Variants in PRLR observed in about 807,000 individuals in gnomAD.
The protein encoded by PRLR is prolactin receptor.
Under a neutral mutation model 40.2 loss-of-function variants are expected in PRLR, and 13 were observed. The ratio of observed to expected loss-of-function variants is 0.32; its 90% confidence interval spans 0.21 to 0.51. PRLR has a LOEUF of 0.51. PRLR is among the 20% of genes least tolerant of loss of function. The pLI is 0.97. For synonymous variants in PRLR, 269 were observed against 278.7 expected (o/e 0.97, Z 0.35); for missense variants, 656 against 747.3 (o/e 0.88, Z 1.42).
chr5:35,202,047 A>C (rs2111610351), intron 1 of PRLR, among the ~76,000 whole-genome samples: 1 of 152,332 alleles, frequency 6.6e-6, no homozygotes. Context: ...CTGGAGCCAA[A>C]TTGTCTGGGA....
intron 1 of PRLR, among the ~76,000 whole-genome samples, chr5:35,174,109 A>C (rs1775078048): frequency 6.8e-6 from 1 of 147,892 alleles, no homozygotes; most frequent in African/African-American, 2.5e-5. Flanking sequence ...TTTTGCTAAG[A>C]GACGGAGTCT....
chr5:35,064,891 A>G lies in PRLR; in HGVS notation c.*198T>C. 1 of 622,312 alleles carries G rather than the reference A, an allele frequency of 1.6e-6. No homozygotes were observed. Among genetic ancestry groups the G allele is most frequent in the South Asian group, 2.4e-5 (1 of 42,496 alleles). The allele number at this position is 622,312 out of a possible 1,614,324, so 38.5% of individuals were successfully genotyped here. ...AACTAACAGCAAAAAGTAAATCTAC[A>G]AATCACAGTTAGGAAACATAATGAT... On this transcript the variant is annotated 3_prime_UTR_variant, in exon 10 of 10. Transcript: ENST00000618457.
chr5:35,122,597 G>T (rs534557705), intron 1 of PRLR, among the ~76,000 whole-genome samples: 1 of 152,082 alleles, frequency 6.6e-6, no homozygotes, highest in Non-Finnish European at 1.5e-5. Context: ...CTGACGTTAG[G>T]CCAATGTTAG....
intron 5 of PRLR, among the ~76,000 whole-genome samples, chr5:35,083,524 CTTTT>C (rs59813376): frequency 1.5e-5 from 2 of 136,434 alleles, no homozygotes. Context: ...CTTTTCTTTT[CTTTT>C]TTTTTTTTTG....
chr5:35,206,978 G>T (rs1440030664), intron 1 of PRLR, among the ~76,000 whole-genome samples: 1 of 152,062 alleles, frequency 6.6e-6, no homozygotes, highest in Non-Finnish European at 1.5e-5. Flanking sequence ...CTTTGTTGCA[G>T]ATCTCATCTT....
intron 5 of PRLR, 67 bp downstream of exon 5, chr5:35,084,403 C>T: frequency 7.0e-7 from 1 of 1,419,194 alleles, no homozygotes; most frequent in Non-Finnish European, 9.3e-7. Context: ...AAGACTCAAA[C>T]TGAGTGTGAC....
At position 35,117,902 on chromosome 5, in the gene PRLR, A is replaced by G. The variant is rs187878605; in HGVS notation, c.-44+159T>C. On this transcript the variant is annotated intron_variant, in intron 2 of 9. Transcript: ENST00000618457. Reference sequence around the variant, plus strand: ...TGAGCTGGACAGGCTGGGGAGACTGAAACAGCCTTTGAAGACAGCAGAATG... The same window carrying G: ...TGAGCTGGACAGGCTGGGGAGACTGGAACAGCCTTTGAAGACAGCAGAATG... Among the ~76,000 whole-genome samples, 12 of 152,326 alleles carry G rather than the reference A, an allele frequency of 7.9e-5. No individual in the cohort carries two copies. In the East Asian group the frequency reaches 2.1e-3, roughly 27 times the overall value.
At chr5:35,179,934 T>A (rs1170061364) in intron 1 of PRLR, among the ~76,000 whole-genome samples, 1 of 152,208 alleles carries the variant, frequency 6.6e-6, no homozygotes, top group African/African-American at 2.4e-5. Flanking sequence ...TTTCTATTAT[T>A]ATTACCTTGT....
At chr5:35,166,947 G>A (rs1172069374) in intron 1 of PRLR, among the ~76,000 whole-genome samples, 1 of 152,072 alleles carries the variant, frequency 6.6e-6, no homozygotes, top group African/African-American at 2.4e-5. Flanking sequence ...AGAAATAGTG[G>A]TTTCTGTTTT....
intron 1 of PRLR, among the ~76,000 whole-genome samples, chr5:35,145,337 G>C (rs566876082): frequency 1.3e-5 from 2 of 152,298 alleles, no homozygotes; most frequent in Non-Finnish European, 2.9e-5. Flanking sequence ...TCCTCCATTA[G>C]ATGAATCATT....
intron 1 of PRLR, among the ~76,000 whole-genome samples, chr5:35,163,758 T>A (rs909084260): frequency 2.6e-5 from 4 of 152,238 alleles, no homozygotes; most frequent in African/African-American, 7.2e-5. Context: ...CTCAAGTGCC[T>A]ACATTTTCTA....
chr5:35,105,863 G>T (rs1219201074), intron 2 of PRLR, among the ~76,000 whole-genome samples: 1 of 152,130 alleles, frequency 6.6e-6, no homozygotes, highest in African/African-American at 2.4e-5. Context: ...TCAAATTCAG[G>T]AAATACAGAG....
At chr5:35,117,986 C>T in intron 2 of PRLR, 75 bp downstream of exon 2, 6 of 772,638 alleles carry the variant, frequency 7.8e-6, no homozygotes, top group Non-Finnish European at 9.4e-6. Context: ...ATAGTTGAGC[C>T]CCTGCCCTGG....
At chr5:35,158,422 T>C (rs2111894718) in intron 1 of PRLR, among the ~76,000 whole-genome samples, 1 of 152,312 alleles carries the variant, frequency 6.6e-6, no homozygotes, top group East Asian at 1.9e-4. Context: ...ATTTGCTTAC[T>C]GTTTATAAAA....
chr5:35,152,713 A>C (rs1245243360), intron 1 of PRLR: 1 of 152,232 alleles, frequency 6.6e-6, no homozygotes, highest in Non-Finnish European at 1.5e-5. Flanking sequence ...TAGAGCATGC[A>C]TATTTTTAGT....
rs10691744 is a variant in PRLR at position 35,087,422 on chromosome 5, T to TTGTGTGTGTGTGTGTG, written c.71-1098_71-1083dup. On this transcript the variant is annotated intron_variant, in intron 3 of 9. Transcript: ENST00000618457. ...TCTCTTAGATTTTCCTCTCTTTCCT[T>TTGTGTGTGTGTGTGTG]TGTGTGTGTGTGTGTGTGTGTGTGT... is the stretch of plus-strand genomic sequence containing the variant. Among the ~76,000 whole-genome samples, 85 of 140,926 alleles carry TTGTGTGTGTGTGTGTG rather than the reference T, an allele frequency of 6.0e-4. 1 individual carries two copies. Among genetic ancestry groups the TTGTGTGTGTGTGTGTG allele is most frequent in the East Asian group, 1.9e-3 (9 of 4,834 alleles). 92.5% of individuals were successfully genotyped at this position (140,926 alleles called of 152,430 possible).
At chr5:35,080,117 A>G (rs1016166742) in intron 5 of PRLR, among the ~76,000 whole-genome samples, 7 of 152,230 alleles carry the variant, frequency 4.6e-5, no homozygotes, top group African/African-American at 9.6e-5. Context: ...ACCATTCAGG[A>G]CATAGGCATG....
intron 1 of PRLR, among the ~76,000 whole-genome samples, chr5:35,173,796 G>C (rs113046304): frequency 2.0e-5 from 3 of 152,064 alleles, no homozygotes; most frequent in African/African-American, 7.2e-5. Flanking sequence ...TTCCTTTAAA[G>C]GGTAGTTTTT....
chr5:35,065,182 C>T lies in PRLR; in HGVS notation c.1776G>A (p.Leu592=), dbSNP rs760200872. 19 of 1,614,050 alleles carry T rather than the reference C, an allele frequency of 1.2e-5. No homozygotes were observed. The East Asian group carries it at 4.2e-4, about 36-fold the overall frequency. The change falls in exon 10 of 10, where the codon CTG becomes CTA. Residue 592 remains leucine (L), a synonymous_variant. Coordinates refer to ENST00000618457, the MANE Select transcript of PRLR (RefSeq NM_000949.7). ...TGCTTGATGTTGCAGTGAAGTTGGC[C>T]AGGGCTTTCTCAGCTTGATTCTGTT... ...SLEQNQAEKA[L]ANFTATSSKC...
Sources: gnomAD v4.1 joint callset for allele counts (sites outside exome capture counted in the v4.1 genomes callset) on GRCh38, gnomAD v4.1.1 for gene constraint, MANE v1.5 for transcripts, NCBI Gene and HGNC (gene_info 2026-07-23, HGNC 2026-07-21) for gene names.